Variants in TMEM219 observed in about 807,000 individuals in gnomAD.
TMEM219 encodes insulin-like growth factor-binding protein 3 receptor.
A neutral mutation model predicts 17.9 loss-of-function variants in TMEM219; 18 were observed. The observed-to-expected ratio is 1.01, with a 90% CI of 0.70 to 1.49. The LOEUF is 1.49. Ranked by LOEUF, TMEM219 falls within the 40% of genes most tolerant of loss-of-function variation. TMEM219 has a pLI of 0.00. For missense variants in TMEM219, 288 were observed against 292.4 expected (o/e 0.99, Z 0.11); for synonymous variants, 113 against 124.0 (o/e 0.91, Z 0.59).
At chr16:29,963,941 G>C in intron 3 of TMEM219, among the ~76,000 whole-genome samples, 1 of 150,418 alleles carries the variant, frequency 6.6e-6, no homozygotes, top group Admixed American at 6.6e-5. Flanking sequence ...CCAGCACTTT[G>C]GGAGTCCGAG....
intron 4 of TMEM219, among the ~76,000 whole-genome samples, chr16:29,970,303 C>T (rs1420373009): frequency 6.6e-6 from 1 of 151,124 alleles, no homozygotes; most frequent in African/African-American, 2.4e-5. Context: ...ATCTGGTTTC[C>T]AGATCTAGCA....
intron 4 of TMEM219, among the ~76,000 whole-genome samples, chr16:29,969,392 T>A (rs942986076): frequency 3.3e-5 from 5 of 152,024 alleles, no homozygotes; most frequent in African/African-American, 4.8e-5. Context: ...AGACAGGGTT[T>A]CACCTTGTTA....
chr16:29,962,915 C>G, intron 1 of TMEM219, 192 bp from the exon 2 acceptor site: 2 of 590,530 alleles, frequency 3.4e-6, no homozygotes, highest in Non-Finnish European at 6.0e-6. Flanking sequence ...TAGATTACTT[C>G]AGAAATGAAA....
chr16:29,963,095 C>G lies in TMEM219; in HGVS notation c.-37-12C>G. 1 of 1,596,730 alleles carries G rather than the reference C, an allele frequency of 6.3e-7. No individual in the cohort carries two copies. Among genetic ancestry groups the G allele is most frequent in the South Asian group, 1.1e-5 (1 of 90,860 alleles). On this transcript the variant is annotated splice_polypyrimidine_tract_variant and intron_variant, in intron 1 of 5. Coordinates refer to ENST00000279396, the MANE Select transcript of TMEM219 (RefSeq NM_001083613.2). ...CGGTGCTCTTGTCCCATTCTCCCTCCCTGTCTTCCAGCAGGCTCTCCCCGG... is the reference window on the plus strand; with the variant it reads ...CGGTGCTCTTGTCCCATTCTCCCTCGCTGTCTTCCAGCAGGCTCTCCCCGG...
At chr16:29,967,948 A>G in intron 3 of TMEM219, 77 bp from the exon 4 acceptor site, 1 of 1,160,292 alleles carries the variant, frequency 8.6e-7, no homozygotes. Flanking sequence ...AAGAAAATAC[A>G]AGAAAAGAAG....
In TMEM219 at chr16:29,971,446, G is replaced by A; in HGVS notation, c.624G>A (p.Leu208=). ...LALCGSRLLV[L]GSFLLLFCGL... is the part of the protein sequence containing the mutation. ...TGTGTGGCTCCAGGCTGCTGGTCTT[G>A]GGCTCCTTCCTGCTTCTCTTCTGTG... is the stretch of plus-strand genomic sequence containing the variant. The change falls in exon 5 of 6, where the codon TTG becomes TTA. Residue 208 remains leucine, a synonymous_variant. Transcript: ENST00000279396. 6.2e-7 allele frequency: 1 copy of A among 1,614,006 alleles called. No homozygotes were observed. Among genetic ancestry groups the A allele is most frequent in the Admixed American group, 1.7e-5 (1 of 60,014 alleles).
At chr16:29,971,615 A>G (rs1386051462) in intron 5 of TMEM219, 37 bp downstream of exon 5, 125 of 470,652 alleles carry the variant, frequency 2.7e-4, no homozygotes, top group South Asian at 3.7e-4. Context: ...GGAGCAGGGA[A>G]TGGGGTGGGG....
At chr16:29,964,988 T>C (rs1340825260) in intron 3 of TMEM219, among the ~76,000 whole-genome samples, 5 of 152,168 alleles carry the variant, frequency 3.3e-5, no homozygotes, top group Admixed American at 6.6e-5. Context: ...GGCCCCTTTT[T>C]CCTTAGCATA....
At position 29,968,083 on chromosome 16, in the gene TMEM219, A is replaced by T; in HGVS notation, c.414A>T (p.Ala138=). ...ITARVTTERT[A]GTCLYFSAVP... is the part of the protein sequence containing the mutation. ...CCAGGGTGACCACAGAAAGGACTGC[A>T]GGAACCTGCCTATATTTTAGTGCTG... The change falls in exon 4 of 6, where the codon GCA becomes GCT. Residue 138 remains alanine (A), a synonymous_variant. Coordinates refer to ENST00000279396, the MANE Select transcript of TMEM219 (RefSeq NM_001083613.2). 1 of 1,614,218 alleles carries T rather than the reference A, an allele frequency of 6.2e-7. No individual in the cohort carries two copies. The highest frequency in any genetic ancestry group is 8.5e-7 in the Non-Finnish European group (1 of 1,180,030).
At chr16:29,967,923 CCT>C in intron 3 of TMEM219, 100 bp from the exon 4 acceptor site, 1 of 916,540 alleles carries the variant, frequency 1.1e-6, no homozygotes, top group Non-Finnish European at 1.7e-6. Flanking sequence ...CGAGACTCCG[CCT>C]CAAAAAAAAA....
At chr16:29,966,360 AAT>A (rs1239564712) in intron 3 of TMEM219, among the ~76,000 whole-genome samples, 1 of 151,952 alleles carries the variant, frequency 6.6e-6, no homozygotes, top group Non-Finnish European at 1.5e-5. Context: ...TTGTCATTTA[AAT>A]ATATTATAGG....
At chr16:29,970,975 G>A (rs556099867) in intron 4 of TMEM219, among the ~76,000 whole-genome samples, 61 of 151,280 alleles carry the variant, frequency 4.0e-4, no homozygotes, top group African/African-American at 1.4e-3. Context: ...GGCCAGGCGC[G>A]GTGTTTCACG....
rs1030112701 is a variant in TMEM219 at position 29,968,095 on chromosome 16, A to G, written c.426A>G (p.Leu142=). ...VTTERTAGTC[L]YFSAVPGILP... ...CAGAAAGGACTGCAGGAACCTGCCT[A>G]TATTTTAGTGCTGTTCCAGGAATCC... is the stretch of plus-strand genomic sequence containing the variant. The change falls in exon 4 of 6, where the codon CTA becomes CTG. Residue 142 remains leucine, a synonymous_variant. Transcript: ENST00000279396. 6.2e-7 allele frequency: 1 copy of G among 1,614,132 alleles called. No homozygotes were observed. Among genetic ancestry groups the G allele is most frequent in the South Asian group, 1.1e-5 (1 of 91,082 alleles).
chr16:29,969,828 G>A (rs925602307), intron 4 of TMEM219, among the ~76,000 whole-genome samples: 12 of 152,212 alleles, frequency 7.9e-5, no homozygotes, highest in Non-Finnish European at 1.5e-4. Context: ...GCTGAAGGCC[G>A]TGGGGGCCAC....
intron 3 of TMEM219, 96 bp from the exon 4 acceptor site, chr16:29,967,926 CAAA>C (rs1043115293): frequency 1.7e-4 from 135 of 793,036 alleles, no homozygotes; most frequent in Middle Eastern, 5.4e-4. Context: ...GACTCCGCCT[CAAA>C]AAAAAAAAAA....
intron 5 of TMEM219, 77 bp downstream of exon 5, chr16:29,971,655 C>A: frequency 7.1e-7 from 1 of 1,417,196 alleles, no homozygotes; most frequent in Non-Finnish European, 9.6e-7. Context: ...TAGAGCAGAT[C>A]CTTGGACTTT....
At position 29,968,113 on chromosome 16, in the gene TMEM219, A is replaced by G. The variant is rs1377344135; in HGVS notation, c.444A>G (p.Pro148=). ...CCTGCCTATATTTTAGTGCTGTTCC[A>G]GGAATCCTACCCTCCAGCCAGCCAC... The part of the protein sequence containing the change: ...AGTCLYFSAV[P]GILPSSQPPI... Residue 148 remains proline (P), a synonymous_variant, in exon 4 of 6, where the codon CCA becomes CCG. Coordinates refer to ENST00000279396, the MANE Select transcript of TMEM219 (RefSeq NM_001083613.2). The G allele has an allele frequency of 6.2e-7, 1 of 1,614,060 alleles. No homozygotes were observed. Among genetic ancestry groups the G allele is most frequent in the Non-Finnish European group, 8.5e-7 (1 of 1,180,048 alleles).
At position 29,971,528 on chromosome 16, in the gene TMEM219, T is replaced by G; in HGVS notation, c.706T>G (p.Ser236Ala). 1.2e-6 allele frequency: 2 copies of G among 1,613,672 alleles called. No homozygotes were observed. Among genetic ancestry groups the G allele is most frequent in the Non-Finnish European group, 1.7e-6 (2 of 1,179,972 alleles). ...CCACCCGCGCCGGGAGTCCCACTGGTCTAGAACCCGGCTCTGAGGGCACTG... is the reference window on the plus strand; with the variant it reads ...CCACCCGCGCCGGGAGTCCCACTGGGCTAGAACCCGGCTCTGAGGGCACTG... Reference protein sequence around the residue: ...CFHPRRESHWSRTRL With the variant: ...CFHPRRESHWARTRL The change falls in exon 5 of 6, where the codon TCT becomes GCT. Residue 236 changes from serine to alanine, a missense_variant. Ser to Ala is a moderately conservative substitution (Grantham distance 99). Coordinates refer to ENST00000279396, the MANE Select transcript of TMEM219 (RefSeq NM_001083613.2).
At chr16:29,965,122 C>A (rs2069196321) in intron 3 of TMEM219, among the ~76,000 whole-genome samples, 1 of 152,096 alleles carries the variant, frequency 6.6e-6, no homozygotes, top group Admixed American at 6.5e-5. Context: ...TGCCAATAAT[C>A]CCTGTGTGAC....
Sources: allele counts gnomAD v4.1 joint callset (sites outside exome capture counted in the v4.1 genomes callset), GRCh38; gene constraint gnomAD v4.1.1; transcripts MANE v1.5; gene names NCBI Gene and HGNC (gene_info 2026-07-23, HGNC 2026-07-21).